The following TFEC variants were observed in gnomAD, a reference collection of about 807,000 sequenced individuals.
The protein encoded by TFEC is class E basic helix-loop-helix protein 34.
Under a neutral mutation model 41.6 loss-of-function variants are expected in TFEC, and 31 were observed. The ratio of observed to expected loss-of-function variants is 0.74; its 90% CI spans 0.56 to 1.01. The LOEUF is 1.01. Among genes scored for constraint, TFEC ranks in the 50% least tolerant of loss-of-function variants. The pLI is 0.00. For missense variants in TFEC, 402 were observed against 404.1 expected, an observed-to-expected ratio of 0.99 and a Z score of 0.04; for synonymous variants, 143 against 140.6, an observed-to-expected ratio of 1.02 and a Z score of -0.12.
intron 3 of TFEC, among the ~76,000 whole-genome samples, chr7:116,091,971 G>A (rs2115834984): frequency 6.6e-6 from 1 of 152,208 alleles, no homozygotes; most frequent in Admixed American, 6.5e-5. Context: ...TTCTGGGCTA[G>A]AATCTTAATG....
At chr7:116,153,772 A>AT (rs1584579667) in intron 1 of TFEC, among the ~76,000 whole-genome samples, 1 of 152,190 alleles carries the variant, frequency 6.6e-6, no homozygotes, top group African/African-American at 2.4e-5. Context: ...TGGACACTGC[A>AT]TAAAAAAAAG....
intron 2 of TFEC, chr7:116,111,940 T>C: frequency 1.1e-6 from 1 of 903,158 alleles, no homozygotes. Context: ...TGAATAAACT[T>C]GTGGTCTTGC....
chr7:116,083,106 T>C (rs1466352709), intron 3 of TFEC, among the ~76,000 whole-genome samples: 2 of 151,864 alleles, frequency 1.3e-5, no homozygotes, highest in African/African-American at 4.8e-5. Flanking sequence ...ACTACGAAAA[T>C]ATTTAAAATT....
At chr7:116,045,400 C>T (rs1403474725) in intron 3 of TFEC, among the ~76,000 whole-genome samples, 6 of 152,210 alleles carry the variant, frequency 3.9e-5, no homozygotes. Flanking sequence ...GCAAAGCTTC[C>T]TCATGCTGTG....
intron 3 of TFEC, among the ~76,000 whole-genome samples, chr7:116,104,452 T>A (rs1797671151): frequency 6.6e-6 from 1 of 152,158 alleles, no homozygotes. Context: ...AAAATTAGCA[T>A]AAGCATGGCT....
chr7:115,990,991 G>A (rs1160795607), intron 1 of TFEC, among the ~76,000 whole-genome samples: 1 of 152,162 alleles, frequency 6.6e-6, no homozygotes, highest in Non-Finnish European at 1.5e-5. Context: ...GAAAGGTCAG[G>A]TTACCCACAA....
intron 1 of TFEC, among the ~76,000 whole-genome samples, chr7:116,124,460 A>T (rs1798171402): frequency 6.6e-6 from 1 of 152,152 alleles, no homozygotes; most frequent in Non-Finnish European, 1.5e-5. Flanking sequence ...ATGCAATCAA[A>T]CTTTGGCGTA....
intron 3 of TFEC, among the ~76,000 whole-genome samples, chr7:116,046,858 AT>A (rs1796177702): frequency 6.6e-6 from 1 of 152,216 alleles, no homozygotes; most frequent in Admixed American, 6.5e-5. Flanking sequence ...GTTATGATAA[AT>A]GATTCCCATA....
At chr7:116,126,190 G>C (rs2116260002) in intron 1 of TFEC, among the ~76,000 whole-genome samples, 1 of 151,882 alleles carries the variant, frequency 6.6e-6, no homozygotes, top group Non-Finnish European at 1.5e-5. Flanking sequence ...GGGGATAAAA[G>C]AAAAAAACAA....
At chr7:115,990,890 G>A (rs536801747) in intron 1 of TFEC, among the ~76,000 whole-genome samples, 2 of 152,232 alleles carry the variant, frequency 1.3e-5, no homozygotes, top group African/African-American at 4.8e-5. Context: ...ACGCCACAAA[G>A]ATACTCCTCG....
chr7:116,127,902 T>C (rs1798249190), intron 1 of TFEC, among the ~76,000 whole-genome samples: 1 of 152,126 alleles, frequency 6.6e-6, no homozygotes, highest in Non-Finnish European at 1.5e-5. Flanking sequence ...TTCATTTACC[T>C]CTCAATGTTT....
chr7:116,060,008 A>T (rs1206817558), intron 3 of TFEC, among the ~76,000 whole-genome samples: 6 of 152,126 alleles, frequency 3.9e-5, no homozygotes, highest in African/African-American at 1.4e-4. Flanking sequence ...TCTAGATTGG[A>T]AAAAGAAGTA....
intron 1 of TFEC, among the ~76,000 whole-genome samples, chr7:116,028,113 C>A (rs1409334219): frequency 1.3e-5 from 2 of 152,166 alleles, no homozygotes; most frequent in African/African-American, 2.4e-5. Context: ...TTCAATTATA[C>A]GAATTCTCCC....
chr7:116,136,772 A>G (rs1227354027), intron 1 of TFEC, among the ~76,000 whole-genome samples: 1 of 152,034 alleles, frequency 6.6e-6, no homozygotes, highest in Non-Finnish European at 1.5e-5. Flanking sequence ...AAGAAATGAA[A>G]TAAGAGAAAG....
intron 1 of TFEC, among the ~76,000 whole-genome samples, chr7:116,012,211 T>G (rs11768789): frequency 0.14 from 21,848 of 152,198 alleles, 1,992 homozygotes; most frequent in Non-Finnish European, 0.21. Flanking sequence ...AAATTTCTAT[T>G]CAAAAAAGTT....
chr7:115,997,218 T>A (rs1448187478), intron 1 of TFEC, among the ~76,000 whole-genome samples: 4 of 152,066 alleles, frequency 2.6e-5, no homozygotes, highest in Non-Finnish European at 4.4e-5. Flanking sequence ...CTCCCCAAGA[T>A]CCAGGTAGCT....
In TFEC at chr7:115,939,944, C is replaced by G. The variant is rs984529116; in HGVS notation, c.*607G>C. The G allele has an allele frequency of 1.3e-5, 2 of 151,870 alleles. No homozygotes were observed. Among genetic ancestry groups the G allele is most frequent in the African/African-American group, 4.8e-5 (2 of 41,378 alleles). 9.4% of individuals were successfully genotyped at this position (151,870 alleles called of 1,614,324 possible). Reference sequence around the variant, plus strand: ...AAAATGAGGATCTAATTTTAGTAACCAATGTTTTTATAAGTTATCCATATT... The same window carrying G: ...AAAATGAGGATCTAATTTTAGTAACGAATGTTTTTATAAGTTATCCATATT... On this transcript the variant is annotated 3_prime_UTR_variant, in exon 8 of 8. Coordinates refer to ENST00000265440, the MANE Select transcript of TFEC (RefSeq NM_012252.4).
chr7:116,098,870 G>A (rs770239725), intron 3 of TFEC, among the ~76,000 whole-genome samples: 1 of 60,260 alleles, frequency 1.7e-5, no homozygotes, highest in East Asian at 3.5e-4. Context: ...AGGAAGAAAA[G>A]GAAGGAAGGA....
At chr7:116,034,146 T>C (rs1795853188), upstream of TFEC, among the ~76,000 whole-genome samples, 1 of 152,172 alleles carries the variant, frequency 6.6e-6, no homozygotes, top group South Asian at 2.1e-4. Flanking sequence ...TCACTGAGTA[T>C]TTCTTCTCAG....
Sources: allele counts gnomAD v4.1 joint callset (sites outside exome capture counted in the v4.1 genomes callset), GRCh38; gene constraint gnomAD v4.1.1; transcripts MANE v1.5; gene names NCBI Gene and HGNC (gene_info 2026-07-23, HGNC 2026-07-21).